DPYD: variants seen among roughly 807,000 people sequenced by gnomAD.
The protein encoded by DPYD is dihydropyrimidine dehydrogenase [NADP(+)].
A neutral mutation model predicts 116.2 loss-of-function variants in DPYD; 109 were observed. The observed-to-expected ratio is 0.94, with a 90% CI of 0.80 to 1.10. DPYD has a LOEUF of 1.10. Ranked by LOEUF, DPYD falls within the 50% of genes least tolerant of loss-of-function variation. The pLI is 0.00. For synonymous variants in DPYD, 440 were observed against 432.0 expected (o/e 1.02, Z -0.23); for missense variants, 1,302 against 1,254.5 (o/e 1.04, Z -0.57).
chr1:97,220,859 T>G (rs915999779), intron 19 of DPYD, among the ~76,000 whole-genome samples: 1 of 152,178 alleles, frequency 6.6e-6, no homozygotes, highest in Non-Finnish European at 1.5e-5. Flanking sequence ...ATTAGATCAA[T>G]CACACATGCA....
intron 14 of DPYD, among the ~76,000 whole-genome samples, chr1:97,385,425 A>C (rs1158192796): frequency 6.6e-6 from 1 of 151,580 alleles, no homozygotes; most frequent in Non-Finnish European, 1.5e-5. Flanking sequence ...AGATACAGAG[A>C]TACAGACTGA....
chr1:97,217,811 T>C (rs956147418), intron 19 of DPYD, among the ~76,000 whole-genome samples: 1 of 152,158 alleles, frequency 6.6e-6, no homozygotes, highest in Non-Finnish European at 1.5e-5. Flanking sequence ...CCAATCATTG[T>C]TGGATAATGA....
chr1:97,545,093 G>C (rs1253144291), intron 12 of DPYD, among the ~76,000 whole-genome samples: 1 of 152,052 alleles, frequency 6.6e-6, no homozygotes, highest in African/African-American at 2.4e-5. Context: ...AATAAGAATT[G>C]ACCAGTTATA....
intron 18 of DPYD, among the ~76,000 whole-genome samples, chr1:97,301,323 T>G (rs1666848470): frequency 6.6e-6 from 1 of 152,048 alleles, no homozygotes; most frequent in South Asian, 2.1e-4. Context: ...ACATAATGAA[T>G]AACTTCAAAC....
intron 13 of DPYD, among the ~76,000 whole-genome samples, chr1:97,506,355 T>C (rs1310270662): frequency 6.6e-6 from 1 of 151,982 alleles, no homozygotes; most frequent in Non-Finnish European, 1.5e-5. Context: ...CCAAAGATTG[T>C]ATCATCTAAA....
chr1:97,730,730 T>C (rs1265686252), intron 4 of DPYD, among the ~76,000 whole-genome samples: 2 of 152,078 alleles, frequency 1.3e-5, no homozygotes, highest in Non-Finnish European at 2.9e-5. Context: ...AGTAAGTTAT[T>C]AAATTTGAAG....
intron 14 of DPYD, among the ~76,000 whole-genome samples, chr1:97,388,498 C>T (rs1177994639): frequency 6.6e-6 from 1 of 151,964 alleles, no homozygotes; most frequent in African/African-American, 2.4e-5. Flanking sequence ...GATGTCGTGC[C>T]AAGAGAAGGA....
At chr1:97,427,596 C>T (rs1012535761) in intron 14 of DPYD, among the ~76,000 whole-genome samples, 1 of 151,948 alleles carries the variant, frequency 6.6e-6, no homozygotes, top group Non-Finnish European at 1.5e-5. Context: ...GCATTCTCTC[C>T]CTTCCTCTTT....
intron 12 of DPYD, among the ~76,000 whole-genome samples, chr1:97,540,716 C>T (rs1650389782): frequency 6.6e-6 from 1 of 152,186 alleles, no homozygotes; most frequent in Non-Finnish European, 1.5e-5. Context: ...AGCCCCTTGA[C>T]TCTCCCCGGA....
At chr1:97,679,306 A>G in intron 7 of DPYD, 124 bp from the exon 8 acceptor site, 1 of 571,874 alleles carries the variant, frequency 1.7e-6, no homozygotes, top group Non-Finnish European at 3.2e-6. Context: ...AAAATGTGAC[A>G]ACATTTTTGT....
chr1:97,135,343 G>T (rs1182309850), intron 20 of DPYD, among the ~76,000 whole-genome samples: 1 of 152,084 alleles, frequency 6.6e-6, no homozygotes, highest in East Asian at 1.9e-4. Flanking sequence ...GCAAAGTGTT[G>T]TCTCTTAAGA....
At chr1:97,264,162 G>GTTTTTTT (rs71071641) in intron 18 of DPYD, among the ~76,000 whole-genome samples, 9 of 60,088 alleles carry the variant, frequency 1.5e-4, no homozygotes, top group South Asian at 5.8e-4. Context: ...GCAAAATTCT[G>GTTTTTTT]TTTTTTTTTT....
At chr1:97,677,335 C>T (rs1660200337) in intron 8 of DPYD, among the ~76,000 whole-genome samples, 1 of 152,016 alleles carries the variant, frequency 6.6e-6, no homozygotes, top group South Asian at 2.1e-4. Context: ...TAATGGAAAA[C>T]ATATCTTTTA....
At chr1:97,175,132 T>G (rs1349336868) in intron 20 of DPYD, among the ~76,000 whole-genome samples, 5 of 152,214 alleles carry the variant, frequency 3.3e-5, no homozygotes, top group Non-Finnish European at 7.3e-5. Flanking sequence ...CCAAAGTAGT[T>G]GTACCATTTT....
chr1:97,750,516 A>G (rs746127031), intron 3 of DPYD, among the ~76,000 whole-genome samples: 3 of 152,208 alleles, frequency 2.0e-5, no homozygotes, highest in African/African-American at 7.2e-5. Flanking sequence ...AGTATAACTT[A>G]CGTTATTAAA....
chr1:97,406,268 C>T (rs1673650734), intron 14 of DPYD, among the ~76,000 whole-genome samples: 1 of 113,738 alleles, frequency 8.8e-6, no homozygotes, highest in African/African-American at 3.0e-5. Context: ...GGTTTTTAGT[C>T]TCTTTAGCTT....
chr1:97,627,524 G>A (rs1384631350), intron 8 of DPYD, among the ~76,000 whole-genome samples: 1 of 151,830 alleles, frequency 6.6e-6, no homozygotes, highest in Non-Finnish European at 1.5e-5. Context: ...AATTCCCCAG[G>A]TTTTCTAAGA....
Position 97,883,330 on chromosome 1 carries a change from C to G in DPYD, c.84G>C (p.Leu28=), listed in dbSNP as rs1397008025. The G allele has an allele frequency of 6.2e-7, 1 of 1,612,776 alleles. No homozygotes were observed. Among genetic ancestry groups the G allele is most frequent in the African/African-American group, 1.3e-5 (1 of 74,852 alleles). The change falls in exon 2 of 23, where the codon CTG becomes CTC. Residue 28 remains leucine, a synonymous_variant. Coordinates refer to ENST00000370192, the MANE Select transcript of DPYD (RefSeq NM_000110.4). ...CTAATTTCTTGGCCGAAGTGGAACACAGAGTTGCATGAGTTTGTGTTCGAG... is the reference window on the plus strand; with the variant it reads ...CTAATTTCTTGGCCGAAGTGGAACAGAGAGTTGCATGAGTTTGTGTTCGAG... ...LNPRTQTHAT[L]CSTSAKKLDK... is the part of the protein sequence containing the mutation.
intron 13 of DPYD, among the ~76,000 whole-genome samples, chr1:97,462,629 G>A (rs1677090761): frequency 6.6e-6 from 1 of 152,116 alleles, no homozygotes; most frequent in Admixed American, 6.5e-5. Flanking sequence ...AACTTTTTGT[G>A]CAATAAGACA....
Sources: gnomAD v4.1 joint callset for allele counts (sites outside exome capture counted in the v4.1 genomes callset) on GRCh38, gnomAD v4.1.1 for gene constraint, MANE v1.5 for transcripts, NCBI Gene and HGNC (gene_info 2026-07-23, HGNC 2026-07-21) for gene names.